The following DAPK3 variants were observed in gnomAD, a reference collection of about 807,000 sequenced individuals.
The protein encoded by DAPK3 is death-associated protein kinase 3.
DAPK3 carries 24 observed loss-of-function variants against 30.6 expected under a neutral mutation model. That is an observed-to-expected ratio of 0.78 (90% confidence interval 0.57 to 1.10). The LOEUF is 1.10. Among genes scored for constraint, DAPK3 ranks in the 50% least tolerant of loss-of-function variants. The pLI is 0.00. For missense variants in DAPK3, 629 were observed against 657.3 expected (o/e 0.96, Z 0.47); for synonymous variants, 341 against 284.0 (o/e 1.20, Z -2.02).
At position 3,959,348 on chromosome 19, in the gene DAPK3, C is replaced by T. The variant is rs147011394; in HGVS notation, c.1118G>A (p.Ser373Asn). Residue 373 changes from serine to asparagine, a missense_variant, in exon 9 of 9, where the codon AGC (serine) becomes AAC (asparagine). Physicochemically the swap from Ser to Asn is conservative, Grantham distance 46. Coordinates refer to ENST00000545797, the MANE Select transcript of DAPK3 (RefSeq NM_001348.3). ...KEAWYREESDSLGQDLRRLRQ... is the reference protein window; with the variant it reads ...KEAWYREESDNLGQDLRRLRQ... ...TAGCCTCCGCAGGTCCTGGCCCAGG[C>T]TGTCGCTCTCCTCGCGGTACCAGGC... The T allele has an allele frequency of 3.3e-5, 52 of 1,588,046 alleles. No individual in the cohort carries two copies. In the African/African-American group the frequency reaches 6.7e-4, roughly 20 times the overall value.
At chr19:3,960,859 C>A in intron 7 of DAPK3, 150 bp downstream of exon 7, 2 of 536,782 alleles carry the variant, frequency 3.7e-6, no homozygotes, top group Non-Finnish European at 6.2e-6. Flanking sequence ...ACCAGTTTAT[C>A]AGTTTACTCT....
intron 1 of DAPK3, 161 bp from the exon 2 acceptor site, chr19:3,969,990 G>A (rs1023695178): frequency 7.5e-6 from 4 of 530,670 alleles, no homozygotes; most frequent in Non-Finnish European, 1.3e-5. Flanking sequence ...GCTGGGTCCT[G>A]TCATGTCACC....
At chr19:3,961,280 C>G in intron 6 of DAPK3, 119 bp from the exon 7 acceptor site, 1 of 807,328 alleles carries the variant, frequency 1.2e-6, no homozygotes, top group South Asian at 1.5e-5. Context: ...GTGCCTGGGC[C>G]ACTCACACTC....
chr19:3,960,014 G>A (rs767757851), intron 8 of DAPK3, 45 bp downstream of exon 8: 4 of 1,096,710 alleles, frequency 3.6e-6, no homozygotes, highest in Non-Finnish European at 5.6e-6. Context: ...CCAGCGAGAA[G>A]GCCAAGGCGG....
intron 1 of DAPK3, 148 bp from the exon 2 acceptor site, chr19:3,969,977 T>C (rs1281807046): frequency 7.3e-6 from 4 of 549,836 alleles, no homozygotes; most frequent in Non-Finnish European, 1.3e-5. Context: ...CTGTGTTTAC[T>C]GGGCTGGGTC....
At chr19:3,968,815 T>A (rs1056302875) in intron 2 of DAPK3, among the ~76,000 whole-genome samples, 2 of 152,016 alleles carry the variant, frequency 1.3e-5, no homozygotes, top group African/African-American at 4.8e-5. Context: ...GGTGACATCA[T>A]GGGGAGGCTC....
chr19:3,962,436 A>C (rs2039527011), intron 6 of DAPK3, among the ~76,000 whole-genome samples: 1 of 152,228 alleles, frequency 6.6e-6, no homozygotes, highest in Non-Finnish European at 1.5e-5. Context: ...ATGCCCATTC[A>C]ATATGGCTGG....
rs1454762416 is a variant in DAPK3 at position 3,964,821 on chromosome 19, G to A, written c.233C>T (p.Thr78Ile). 3 of 1,612,844 alleles carry A rather than the reference G, an allele frequency of 1.9e-6. No individual in the cohort carries two copies. Residue 78 changes from threonine (T) to isoleucine (I), a missense_variant, in exon 3 of 9, where the codon ACC becomes ATC. Around this residue, in one of 2 missense-constraint regions of DAPK3, gnomAD observed 306 missense variants for 378.5 expected, o/e 0.81. Transcript: ENST00000545797. ...CTTGTTCTCGAAGATGTCGTGCAGG[G>A]TGATGATGTTGGGGTGCCGGATCTC... The part of the protein sequence containing the change: ...LREIRHPNII[T>I]LHDIFENKTD...
rs1378748157 is a variant in DAPK3 at position 3,960,139 on chromosome 19, A to G, written c.783-35T>C. 2.2e-5 allele frequency: 28 copies of G among 1,266,322 alleles called. No individual in the cohort carries two copies. In the Admixed American group the frequency reaches 4.4e-4, roughly 20 times the overall value. The allele number at this position is 1,266,322 out of a possible 1,614,324, so 78.4% of individuals were successfully genotyped here. A position where few individuals can be genotyped will look rare whatever the true frequency, so the allele number is the denominator to read the frequency against. On this transcript the variant is annotated intron_variant, in intron 7 of 8. Coordinates refer to ENST00000545797, the MANE Select transcript of DAPK3 (RefSeq NM_001348.3). Reference sequence around the variant, plus strand: ...CCCCGCTCTGGTTAGGTACACCTGCACCATCTGTCCCGTCCTCCCGTGAAC... The same window carrying G: ...CCCCGCTCTGGTTAGGTACACCTGCGCCATCTGTCCCGTCCTCCCGTGAAC...
At chr19:3,964,462 C>T in intron 3 of DAPK3, 89 bp from the exon 4 acceptor site, 2 of 906,870 alleles carry the variant, frequency 2.2e-6, no homozygotes, top group Non-Finnish European at 1.5e-6. Context: ...ACGCTCCCCG[C>T]AACCTCACCC....
intron 2 of DAPK3, among the ~76,000 whole-genome samples, chr19:3,965,855 G>A (rs1048042589): frequency 2.0e-5 from 3 of 151,874 alleles, no homozygotes; most frequent in African/African-American, 7.3e-5. Context: ...TTGTAAGGAT[G>A]AGGTCTCACT....
chr19:3,965,093 C>T lies in DAPK3; in HGVS notation c.63-102G>A. 2.1e-5 allele frequency: 14 copies of T among 666,818 alleles called. No individual in the cohort carries two copies. The South Asian group carries it at 2.4e-4, about 11-fold the overall frequency. The allele number at this position is 666,818 out of a possible 1,614,324, so 41.3% of individuals were successfully genotyped here. A position where few individuals can be genotyped will look rare whatever the true frequency, so the allele number is the denominator to read the frequency against. Reference sequence around the variant, plus strand: ...TCCACTTGCTCCTCTTGGGCGCGGCCCTGCACCAGGCACTTGAAGGACATG... The same window carrying T: ...TCCACTTGCTCCTCTTGGGCGCGGCTCTGCACCAGGCACTTGAAGGACATG... On this transcript the variant is annotated intron_variant, in intron 2 of 8. Transcript: ENST00000545797.
At chr19:3,964,078 G>T (rs1262394023) in intron 4 of DAPK3, among the ~76,000 whole-genome samples, 159 bp from the exon 5 acceptor site, 1 of 152,212 alleles carries the variant, frequency 6.6e-6, no homozygotes, top group Non-Finnish European at 1.5e-5. Context: ...GGACAGCGGG[G>T]CTGCACCAAA....
Position 3,959,416 on chromosome 19 carries a change from G to C in DAPK3, c.1050C>G (p.His350Gln), listed in dbSNP as rs1438818645. 3 of 1,559,130 alleles carry C rather than the reference G, an allele frequency of 1.9e-6. No homozygotes were observed. The highest frequency in any genetic ancestry group is 2.7e-5 in the African/African-American group (2 of 74,216). Residue 350 changes from histidine to glutamine, a missense_variant, in exon 9 of 9, where the codon CAC becomes CAG. His to Gln is a conservative substitution (Grantham distance 24). Around this residue, in one of 2 missense-constraint regions of DAPK3, gnomAD observed 323 missense variants for 278.8 expected, o/e 1.16. Transcript: ENST00000545797. ...RELQRSRRLC[H>Q]EDVEALAAIY... is the part of the protein sequence containing the mutation. ...TGGCGGCCAGCGCCTCCACGTCCTC[G>C]TGGCAGAGCCGCCGGCTGCGCTGCA... is the stretch of plus-strand genomic sequence containing the variant.
intron 6 of DAPK3, among the ~76,000 whole-genome samples, chr19:3,963,438 G>T (rs1199504867): frequency 8.9e-6 from 1 of 112,820 alleles, no homozygotes; most frequent in Non-Finnish European, 2.2e-5. Context: ...CAGCCGCTCT[G>T]TGAGTGTCCT....
chr19:3,965,340 G>A (rs2039566247), intron 2 of DAPK3, among the ~76,000 whole-genome samples: 1 of 152,248 alleles, frequency 6.6e-6, no homozygotes, highest in Non-Finnish European at 1.5e-5. Context: ...GAGGGGGCCA[G>A]GCGCGGTGGC....
Position 3,959,369 on chromosome 19 carries a change from C to CA in DAPK3, c.1096dup (p.Trp366LeufsTer211). On this transcript the variant is annotated frameshift_variant, in exon 9 of 9. Coordinates refer to ENST00000545797, the MANE Select transcript of DAPK3 (RefSeq NM_001348.3). LOFTEE classifies it low-confidence loss of function (END_TRUNC). ...CAGGCTGTCGCTCTCCTCGCGGTAC[C>CA]AGGCCTCCTTCTCCTCGTAGATGGC... 6.3e-7 allele frequency: 1 copy of CA among 1,581,802 alleles called. No individual in the cohort carries two copies. Among genetic ancestry groups the CA allele is most frequent in the Non-Finnish European group, 8.5e-7 (1 of 1,171,674 alleles).
intron 7 of DAPK3, among the ~76,000 whole-genome samples, 199 bp downstream of exon 7, chr19:3,960,803 CAAAAAAA>C (rs34304441): frequency 1.1e-5 from 1 of 94,032 alleles, no homozygotes; most frequent in African/African-American, 4.4e-5. Context: ...GACTCCGTCT[CAAAAAAA>C]AAAAAAAAAA....
intron 6 of DAPK3, chr19:3,961,866 T>A (rs1355599121): frequency 1.5e-5 from 3 of 206,188 alleles, no homozygotes; most frequent in African/African-American, 4.5e-5. Context: ...TTAAATTTTT[T>A]AAATTTTTTA....
Sources: gnomAD v4.1 joint callset for allele counts (sites outside exome capture counted in the v4.1 genomes callset) on GRCh38, gnomAD v4.1.1 for gene constraint, gnomAD v4.1.1 regional missense constraint, MANE v1.5 for transcripts, NCBI Gene and HGNC (gene_info 2026-07-23, HGNC 2026-07-21) for gene names.